CLUL1: variants seen among roughly 807,000 people sequenced by gnomAD.
CLUL1 encodes clusterin-like protein 1.
Under a neutral mutation model 49.4 loss-of-function variants are expected in CLUL1, and 43 were observed. That is an observed-to-expected ratio of 0.87 (90% confidence interval 0.68 to 1.12). The LOEUF (loss-of-function observed/expected upper bound fraction) is 1.12, where lower values mean the gene tolerates loss of function less well. Ranked by LOEUF, CLUL1 falls within the 50% of genes most tolerant of loss-of-function variation. The probability of loss-of-function intolerance (pLI) is 0.00; values close to 1 mark genes in which losing one functional copy is unlikely to be tolerated. For missense variants in CLUL1, 486 were observed against 544.4 expected (o/e 0.89, Z 1.07); for synonymous variants, 192 against 184.9 (o/e 1.04, Z -0.31).
intron 8 of CLUL1, among the ~76,000 whole-genome samples, 183 bp from the exon 9 acceptor site, chr18:644,727 C>A (rs1431822431): frequency 2.0e-5 from 3 of 152,142 alleles, no homozygotes; most frequent in African/African-American, 7.2e-5. Flanking sequence ...TGGTGTGGAG[C>A]CCTTGTAATG....
At chr18:608,520 C>A (rs1460169982) in intron 2 of CLUL1, among the ~76,000 whole-genome samples, 3 of 149,706 alleles carry the variant, frequency 2.0e-5, no homozygotes, top group Non-Finnish European at 4.4e-5. Context: ...AACAAACAAA[C>A]AACTTCTGTG....
At chr18:601,378 C>A (rs2072825119) in intron 1 of CLUL1, among the ~76,000 whole-genome samples, 4 of 152,148 alleles carry the variant, frequency 2.6e-5, no homozygotes, top group Admixed American at 2.6e-4. Context: ...CGCGGTGGCT[C>A]ACACCTGTAA....
intron 8 of CLUL1, among the ~76,000 whole-genome samples, chr18:641,949 CCT>C (rs1375257980): frequency 6.6e-6 from 1 of 152,130 alleles, no homozygotes; most frequent in East Asian, 1.9e-4. Flanking sequence ...CCATTCTAGG[CCT>C]CAGTGTTCCA....
chr18:613,385 G>T, intron 2 of CLUL1: 1 of 265,294 alleles, frequency 3.8e-6, no homozygotes, highest in African/African-American at 2.3e-5. Flanking sequence ...TGATCTGCCT[G>T]CCTCGGCCTC....
intron 4 of CLUL1, among the ~76,000 whole-genome samples, chr18:623,401 T>G (rs1598423508): frequency 6.6e-6 from 1 of 152,098 alleles, no homozygotes; most frequent in Middle Eastern, 3.4e-3. Context: ...TCCCAGCACT[T>G]TGGGAGGTCA....
At chr18:607,714 T>C (rs776804383) in intron 2 of CLUL1, among the ~76,000 whole-genome samples, 2 of 152,130 alleles carry the variant, frequency 1.3e-5, no homozygotes, top group Non-Finnish European at 2.9e-5. Context: ...AGGAGTGAAC[T>C]ACTGTGCCCA....
At chr18:620,889 C>G (rs2073471575) in intron 4 of CLUL1, among the ~76,000 whole-genome samples, 1 of 152,102 alleles carries the variant, frequency 6.6e-6, no homozygotes, top group African/African-American at 2.4e-5. Context: ...TATCTTCAAA[C>G]ATTACCCTTA....
At chr18:621,761 C>A (rs576917532) in intron 4 of CLUL1, among the ~76,000 whole-genome samples, 1 of 152,292 alleles carries the variant, frequency 6.6e-6, no homozygotes, top group East Asian at 1.9e-4. Context: ...AATGAATGAA[C>A]TGAGATAAAG....
At chr18:638,288 T>C (rs2144152723) in intron 7 of CLUL1, among the ~76,000 whole-genome samples, 1 of 152,344 alleles carries the variant, frequency 6.6e-6, no homozygotes, top group South Asian at 2.1e-4. Flanking sequence ...ATCCCATCTA[T>C]GTATCATTAA....
Position 607,068 on chromosome 18 carries a change from T to C in CLUL1, c.-45T>C, listed in dbSNP as rs62090071. 106,347 of 701,150 alleles carry C rather than the reference T, an allele frequency of 0.15. 10,771 individuals are homozygous for C. Among genetic ancestry groups the C allele is most frequent in the African/African-American group, 0.39 (22,377 of 57,164 alleles). 43.4% of individuals were successfully genotyped at this position (701,150 alleles called of 1,614,324 possible). ...AATTCCTGGGTTCAAGTGACCCTCC[T>C]ACCTCAGCCCCATGAGGACCTGGGA... is the stretch of plus-strand genomic sequence containing the variant. On this transcript the variant is annotated 5_prime_UTR_variant, in exon 2 of 10. Transcript: ENST00000692774.
At chr18:635,777 C>T (rs2074118021) in intron 7 of CLUL1, among the ~76,000 whole-genome samples, 1 of 152,148 alleles carries the variant, frequency 6.6e-6, no homozygotes, top group South Asian at 2.1e-4. Context: ...GTTTCTGTCG[C>T]CCAGGCTGGA....
intron 1 of CLUL1, chr18:597,689 C>T (rs1328731499): frequency 6.6e-6 from 1 of 152,300 alleles, no homozygotes. Flanking sequence ...GCCTGGACAA[C>T]ACAGTGAGAT....
intron 4 of CLUL1, among the ~76,000 whole-genome samples, chr18:622,476 G>A (rs558525497): frequency 2.0e-4 from 31 of 152,264 alleles, no homozygotes; most frequent in Non-Finnish European, 2.4e-4. Flanking sequence ...TTAATATAGC[G>A]CTTTTGATAA....
chr18:645,810 A>AAAAAT (rs1451607900), intron 9 of CLUL1, among the ~76,000 whole-genome samples: 28 of 29,860 alleles, frequency 9.4e-4, no homozygotes, highest in South Asian at 1.5e-3. Context: ...AAAAAAAAAA[A>AAAAAT]ATATATATAT....
At chr18:634,223 G>A (rs1567972576) in intron 7 of CLUL1, among the ~76,000 whole-genome samples, 1 of 152,036 alleles carries the variant, frequency 6.6e-6, no homozygotes, top group Non-Finnish European at 1.5e-5. Context: ...TCCACCTCTC[G>A]GGTTCAAGCA....
intron 7 of CLUL1, among the ~76,000 whole-genome samples, chr18:634,536 GT>G (rs374196632): frequency 6.6e-6 from 1 of 152,018 alleles, no homozygotes; most frequent in East Asian, 1.9e-4. Context: ...AAACACTATT[GT>G]GTGCAAAAGA....
intron 1 of CLUL1, among the ~76,000 whole-genome samples, chr18:600,600 T>A (rs1447548290): frequency 1.3e-5 from 2 of 152,244 alleles, no homozygotes; most frequent in Non-Finnish European, 2.9e-5. Context: ...AAAGAGAGGC[T>A]TATTATTTCT....
intron 2 of CLUL1, among the ~76,000 whole-genome samples, chr18:616,915 T>G (rs2073307959): frequency 6.6e-6 from 1 of 152,230 alleles, no homozygotes; most frequent in Non-Finnish European, 1.5e-5. Context: ...TTCCAAATGT[T>G]GATCAAATAA....
In CLUL1 at chr18:645,822, T is replaced by A. The variant is rs1338403761; in HGVS notation, c.1397+725T>A. Among the ~76,000 whole-genome samples the A allele has an allele frequency of 7.5e-3, 380 of 50,394 alleles. 74 individuals are homozygous for A. The highest frequency in any genetic ancestry group is 0.022 in the East Asian group (21 of 938). 33.1% of individuals were successfully genotyped at this position (50,394 alleles called of 152,430 possible). ...AAAAAAAAAAAAAAATATATATATATATATATATATATATATATATATATA... is the reference window on the plus strand; with the variant it reads ...AAAAAAAAAAAAAAATATATATATAAATATATATATATATATATATATATA... On this transcript the variant is annotated intron_variant, in intron 9 of 9. Transcript: ENST00000692774.
Sources: allele counts gnomAD v4.1 joint callset (sites outside exome capture counted in the v4.1 genomes callset), GRCh38; gene constraint gnomAD v4.1.1; transcripts MANE v1.5; gene names NCBI Gene and HGNC (gene_info 2026-07-23, HGNC 2026-07-21).